RARB: variants seen among roughly 807,000 people sequenced by gnomAD.
RARB encodes retinoic acid receptor beta.
Under a neutral mutation model 51.9 loss-of-function variants are expected in RARB, and 17 were observed. That is an observed-to-expected ratio of 0.33 (90% confidence interval 0.22 to 0.49). The LOEUF (loss-of-function observed/expected upper bound fraction) is 0.49, where lower values mean the gene tolerates loss of function less well. Ranked by LOEUF, RARB falls within the 20% of genes least tolerant of loss-of-function variation. RARB has a pLI of 0.99. For synonymous variants in RARB, 215 were observed against 195.4 expected, an observed-to-expected ratio of 1.10 and a Z score of -0.84; for missense variants, 369 against 550.8, an observed-to-expected ratio of 0.67 and a Z score of 3.30.
chr3:25,339,592 T>C (rs1705163054), intron 5 of RARB, among the ~76,000 whole-genome samples: 1 of 151,916 alleles, frequency 6.6e-6, no homozygotes, highest in Non-Finnish European at 1.5e-5. Context: ...TTTTTTTTTT[T>C]TTTTAATCAC....
At chr3:25,132,549 A>G (rs1699970127) in intron 4 of RARB, among the ~76,000 whole-genome samples, 1 of 151,916 alleles carries the variant, frequency 6.6e-6, no homozygotes, top group Admixed American at 6.6e-5. Context: ...ATTGCAATTG[A>G]TTCTCTCAAA....
In RARB at chr3:25,152,216, C is replaced by T. The variant is rs560259396; in HGVS notation, c.-280+20008C>T. ...AAATACTCTCTAGACATGTGGATGTCGGTAGAGTTGTTTTTTCTCTGATTT... is the reference window on the plus strand; with the variant it reads ...AAATACTCTCTAGACATGTGGATGTTGGTAGAGTTGTTTTTTCTCTGATTT... On this transcript the variant is annotated intron_variant, in intron 4 of 11. Coordinates refer to the RARB transcript ENST00000383772. Among the ~76,000 whole-genome samples the T allele has an allele frequency of 1.1e-4, 16 of 152,252 alleles. No homozygotes were observed. In the South Asian group the frequency reaches 2.1e-3, roughly 20 times the overall value.
intron 5 of RARB, among the ~76,000 whole-genome samples, chr3:25,239,609 A>G (rs1291981749): frequency 2.0e-5 from 3 of 152,122 alleles, no homozygotes; most frequent in Admixed American, 6.5e-5. Context: ...TCAGTTGGCT[A>G]TATATACATA....
chr3:25,578,985 ATATC>A (rs1407968617), intron 4 of RARB, among the ~76,000 whole-genome samples: 3 of 152,228 alleles, frequency 2.0e-5, no homozygotes, highest in Non-Finnish European at 1.5e-5. Context: ...TTATCTGTAA[ATATC>A]TTAATATGTA....
rs147782230 is a variant in RARB, at chr3:25,070,665, C to T, written c.-328+10489C>T. Among the ~76,000 whole-genome samples, 294 of 152,280 alleles carry T rather than the reference C, an allele frequency of 1.9e-3. 2 individuals carry two copies. The highest frequency in any genetic ancestry group is 3.4e-3 in the Middle Eastern group (1 of 294). On this transcript the variant is annotated intron_variant, in intron 3 of 11. Coordinates refer to the RARB transcript ENST00000383772. ...ATAGGAATATTTGCCAGACACAATC[C>T]CTGAGTGCTTTACACTCCTTTAACC... is the stretch of plus-strand genomic sequence containing the variant.
intron 5 of RARB, among the ~76,000 whole-genome samples, chr3:25,421,830 G>A (rs573106985): frequency 6.6e-6 from 1 of 152,126 alleles, no homozygotes; most frequent in Admixed American, 6.5e-5. Flanking sequence ...ACTTTGCCTA[G>A]CCAGACAGCT....
chr3:25,251,081 C>T (rs1286745511), intron 5 of RARB, among the ~76,000 whole-genome samples: 1 of 152,016 alleles, frequency 6.6e-6, no homozygotes, highest in African/African-American at 2.4e-5. Context: ...TGTTTAGGTT[C>T]TTTTTTGTGG....
intron 2 of RARB, among the ~76,000 whole-genome samples, chr3:25,500,854 T>G (rs1697277543): frequency 6.6e-6 from 1 of 152,144 alleles, no homozygotes; most frequent in African/African-American, 2.4e-5. Flanking sequence ...ATTGTTCTCG[T>G]CAGCAAGGGA....
At chr3:25,075,170 G>T (rs951101822) in intron 3 of RARB, among the ~76,000 whole-genome samples, 3 of 152,114 alleles carry the variant, frequency 2.0e-5, no homozygotes, top group Non-Finnish European at 4.4e-5. Flanking sequence ...TTTAGCTAGT[G>T]CCCCGACACT....
intron 4 of RARB, among the ~76,000 whole-genome samples, chr3:25,148,718 C>T (rs66692109): frequency 0.13 from 20,357 of 152,120 alleles, 1,468 homozygotes; most frequent in South Asian, 0.25. Flanking sequence ...TAAATATTGC[C>T]TCTCAGCATT....
In RARB at chr3:25,596,758, T is replaced by TATC. The variant is rs1225129391; in HGVS notation, c.*144_*146dup. On this transcript the variant is annotated 3_prime_UTR_variant, in exon 8 of 8. Transcript: ENST00000330688. ...AGAAGGACCAAGAAGTTTTCATATG[T>TATC]ATCAATATATATACTCCTCACTGTG... 1.5e-6 allele frequency: 1 copy of TATC among 672,566 alleles called. No homozygotes were observed. The highest frequency in any genetic ancestry group is 2.5e-6 in the Non-Finnish European group (1 of 407,642). 41.7% of individuals were successfully genotyped at this position (672,566 alleles called of 1,614,324 possible).
intron 5 of RARB, among the ~76,000 whole-genome samples, chr3:25,414,975 G>A (rs757450162): frequency 3.2e-4 from 49 of 152,118 alleles, no homozygotes; most frequent in Non-Finnish European, 5.0e-4. Context: ...CCGAGTAGCT[G>A]GGATTACAGG....
At chr3:25,066,565 GTGTATATGTA>G (rs1456329889) in intron 3 of RARB, among the ~76,000 whole-genome samples, 3 of 151,754 alleles carry the variant, frequency 2.0e-5, no homozygotes, top group Admixed American at 6.6e-5. Context: ...CTGATTCTGT[GTGTATATGTA>G]TGTATGCATA....
intron 1 of RARB, among the ~76,000 whole-genome samples, chr3:24,838,309 A>G (rs1702369717): frequency 6.6e-6 from 1 of 152,044 alleles, no homozygotes; most frequent in Non-Finnish European, 1.5e-5. Flanking sequence ...CTCCTTTTTT[A>G]AGGTCAATTG....
At chr3:24,968,600 C>T (rs975287673) in intron 2 of RARB, among the ~76,000 whole-genome samples, 16 of 152,062 alleles carry the variant, frequency 1.1e-4, no homozygotes, top group African/African-American at 2.9e-4. Context: ...TATGGTCTCA[C>T]TCACATATCT....
At chr3:24,973,223 T>C (rs1696439700) in intron 2 of RARB, among the ~76,000 whole-genome samples, 1 of 152,076 alleles carries the variant, frequency 6.6e-6, no homozygotes, top group Non-Finnish European at 1.5e-5. Context: ...CACCATTTAT[T>C]GAAGAGACTG....
chr3:25,249,681 A>ATTTTTTT (rs775744919), intron 5 of RARB, among the ~76,000 whole-genome samples: 1 of 95,284 alleles, frequency 1.0e-5, no homozygotes, highest in Non-Finnish European at 2.1e-5. Context: ...TCTCTGTATG[A>ATTTTTTT]TTTTTTTTTT....
At chr3:24,903,558 A>C (rs960920432) in intron 2 of RARB, among the ~76,000 whole-genome samples, 9 of 152,148 alleles carry the variant, frequency 5.9e-5, no homozygotes, top group Admixed American at 5.9e-4. Context: ...TGTCAGCTTA[A>C]TATGAAAGGG....
chr3:25,076,459 T>C (rs1422139608), intron 3 of RARB, among the ~76,000 whole-genome samples: 3 of 152,220 alleles, frequency 2.0e-5, no homozygotes, highest in African/African-American at 7.2e-5. Flanking sequence ...TAATGGCAGT[T>C]ACTAGAAATC....
Sources: allele counts gnomAD v4.1 joint callset (sites outside exome capture counted in the v4.1 genomes callset), GRCh38; gene constraint gnomAD v4.1.1; transcripts MANE v1.5; gene names NCBI Gene and HGNC (gene_info 2026-07-23, HGNC 2026-07-21).